Variants in ZZEF1 observed in about 807,000 individuals in gnomAD.
The protein encoded by ZZEF1 is zinc finger ZZ-type and EF-hand domain-containing protein 1.
In ZZEF1, 157 loss-of-function variants were observed where a neutral mutation model predicts 342.8. The observed-to-expected ratio is 0.46, with a 90% confidence interval of 0.40 to 0.52. ZZEF1 has a LOEUF of 0.52. ZZEF1 is among the 20% of genes least tolerant of loss of function. The pLI, the probability that ZZEF1 is intolerant of heterozygous loss-of-function variation, is 0.00. For synonymous variants in ZZEF1, 1,505 were observed against 1,429.1 expected (o/e 1.05, Z -1.20); for missense variants, 3,480 against 3,725.6 (o/e 0.93, Z 1.72).
chr17:4,031,317 A>AAAATAAATAAATAAATAAATAAAT (rs372245182), intron 42 of ZZEF1, among the ~76,000 whole-genome samples: 78 of 143,468 alleles, frequency 5.4e-4, no homozygotes, highest in Non-Finnish European at 7.2e-4. Context: ...CTTGGTCTCA[A>AAAATAAATAAATAAATAAATAAAT]AAATAAATAA....
At chr17:4,078,176 T>G in intron 18 of ZZEF1, 134 bp from the exon 19 acceptor site, 1 of 895,486 alleles carries the variant, frequency 1.1e-6, no homozygotes, top group Non-Finnish European at 1.6e-6. Flanking sequence ...GAAACAGCTT[T>G]CAACCCAGCA....
intron 9 of ZZEF1, among the ~76,000 whole-genome samples, chr17:4,097,446 T>C (rs1371841119): frequency 2.8e-5 from 4 of 140,522 alleles, no homozygotes; most frequent in Admixed American, 7.4e-5. Flanking sequence ...CAACACTTTG[T>C]CAGGAAAGGT....
At chr17:4,007,062 T>C (rs1330809909) in intron 54 of ZZEF1, 92 bp from the exon 55 acceptor site, 1 of 1,203,064 alleles carries the variant, frequency 8.3e-7, no homozygotes, top group African/African-American at 1.5e-5. Context: ...ACTGAGGATG[T>C]GGGGACGGAG....
At chr17:4,124,447 CT>C (rs1244398294) in intron 1 of ZZEF1, among the ~76,000 whole-genome samples, 5 of 152,096 alleles carry the variant, frequency 3.3e-5, no homozygotes, top group African/African-American at 1.2e-4. Flanking sequence ...TGGGCTTTTT[CT>C]TTTCCCTTTT....
rs1358172440 is a variant in ZZEF1, at chr17:4,016,766, TG to T, written c.8002-301del. The T allele has an allele frequency of 3.2e-6, 1 of 314,608 alleles. No individual in the cohort carries two copies. The highest frequency in any genetic ancestry group is 2.1e-5 in the African/African-American group (1 of 47,052). The allele number at this position is 314,608 out of a possible 1,614,324, so 19.5% of individuals were successfully genotyped here. ...TTGAAGGAGTCCCCAGCCAAGCAGG[TG>T]GATTGGCCTATGGATAAATAATGAC... is the stretch of plus-strand genomic sequence containing the variant. On this transcript the variant is annotated intron_variant, in intron 48 of 54. Coordinates refer to ENST00000381638, the MANE Select transcript of ZZEF1 (RefSeq NM_015113.4). This position sits in a 1 kb window ranked among gnomAD's most constrained non-coding sequence, Gnocchi z 4.4.
intron 11 of ZZEF1, among the ~76,000 whole-genome samples, chr17:4,092,271 G>C (rs2057959430): frequency 6.7e-6 from 1 of 149,720 alleles, no homozygotes; most frequent in South Asian, 2.1e-4. Context: ...ATCCCGAGTA[G>C]GTTCTGTAAC....
Position 4,104,665 on chromosome 17 carries a change from G to A in ZZEF1, c.1541C>T (p.Ala514Val), listed in dbSNP as rs750438220. 1.8e-5 allele frequency: 29 copies of A among 1,614,062 alleles called. No individual in the cohort carries two copies. The East Asian group carries it at 3.3e-4, about 19-fold the overall frequency. The change falls in exon 8 of 55, where the codon GCG becomes GTG. Residue 514 changes from alanine to valine, a missense_variant. By Grantham distance (64) the Ala-to-Val change is moderately conservative. Around this residue, in one of 5 missense-constraint regions of ZZEF1, gnomAD observed 1,528 missense variants for 1,624.1 expected, o/e 0.94. Coordinates refer to ENST00000381638, the MANE Select transcript of ZZEF1 (RefSeq NM_015113.4). ...GAGGAGCAGGTTCTGTCTGACTGAC[G>A]CCATGGACAAGATGAGGGATGAGGC... ...YDASSLILSM[A>V]SVRQNLLLKY...
intron 42 of ZZEF1, among the ~76,000 whole-genome samples, chr17:4,031,317 A>AAAAT (rs372245182): frequency 0.012 from 1,745 of 143,468 alleles, 34 homozygotes; most frequent in African/African-American, 0.025. Flanking sequence ...CTTGGTCTCA[A>AAAAT]AAATAAATAA....
intron 12 of ZZEF1, among the ~76,000 whole-genome samples, chr17:4,089,385 T>G (rs2057901717): frequency 6.6e-6 from 1 of 152,328 alleles, no homozygotes; most frequent in South Asian, 2.1e-4. Context: ...TGAGCGCTCT[T>G]TGTTAAGGGC....
Position 4,062,901 on chromosome 17 carries a change from A to G in ZZEF1, c.4735T>C (p.Ser1579Pro), listed in dbSNP as rs753352375. 7 of 1,611,602 alleles carry G rather than the reference A, an allele frequency of 4.3e-6. No individual in the cohort carries two copies. The Admixed American group carries it at 8.3e-5, about 19-fold the overall frequency. Reference protein sequence around the residue: ...LSHRSVVKVLSLRKAQAQSIL... With the variant: ...LSHRSVVKVLPLRKAQAQSIL... ...CTCTGGGCCTGGGCTTTCCTCAGGG[A>G]AAGAACCTTCACAACACTGGAGACA... The change falls in exon 30 of 55, where the codon TCC (serine) becomes CCC (proline). Residue 1579 changes from serine to proline, a missense_variant. By Grantham distance (74) the Ser-to-Pro change is moderately conservative (BLOSUM62 -1). This residue lies in a region of ZZEF1 where 1,528 missense variants were observed against 1,624.1 expected (regional missense o/e 0.94). Coordinates refer to ENST00000381638, the MANE Select transcript of ZZEF1 (RefSeq NM_015113.4).
chr17:4,136,238 G>A (rs1000372608), intron 1 of ZZEF1, among the ~76,000 whole-genome samples: 16 of 150,374 alleles, frequency 1.1e-4, no homozygotes, highest in Admixed American at 2.0e-4. Flanking sequence ...CAGCTAATCG[G>A]GAGGCTGAGG....
rs1299998276 is a variant in ZZEF1, at chr17:4,006,557, G to C, written c.*333C>G. On this transcript the variant is annotated 3_prime_UTR_variant, in exon 55 of 55. Transcript: ENST00000381638. ...CTCCACGGAGACAGAAACCAGTTGAGAGAGGCCGCTTCCAAGTCTTCCCAG... is the reference window on the plus strand; with the variant it reads ...CTCCACGGAGACAGAAACCAGTTGACAGAGGCCGCTTCCAAGTCTTCCCAG... The C allele has an allele frequency of 2.8e-6, 1 of 355,836 alleles. No homozygotes were observed. The highest frequency in any genetic ancestry group is 5.3e-6 in the Non-Finnish European group (1 of 188,932). The allele number at this position is 355,836 out of a possible 1,614,324, so 22.0% of individuals were successfully genotyped here. A position where few individuals can be genotyped will look rare whatever the true frequency, so the allele number is the denominator to read the frequency against.
intron 2 of ZZEF1, among the ~76,000 whole-genome samples, chr17:4,122,653 G>A (rs1445831387): frequency 2.6e-5 from 4 of 152,310 alleles, no homozygotes; most frequent in East Asian, 1.9e-4. Context: ...CCCAAGTGCT[G>A]GGATTACAGG....
chr17:4,073,461 T>C (rs1237436168), intron 24 of ZZEF1, among the ~76,000 whole-genome samples: 1 of 152,220 alleles, frequency 6.6e-6, no homozygotes, highest in Non-Finnish European at 1.5e-5. Flanking sequence ...GACAAGAGTC[T>C]CTCTCTGTTA....
chr17:4,043,974 C>T (rs563866712), intron 38 of ZZEF1, among the ~76,000 whole-genome samples: 2 of 152,318 alleles, frequency 1.3e-5, no homozygotes, highest in African/African-American at 4.8e-5. Flanking sequence ...TGTTTCATCC[C>T]CAAGGTCTAG....
In ZZEF1 at chr17:4,143,018, C is replaced by A. The variant is rs535119753; in HGVS notation, c.-123G>T. The A allele has an allele frequency of 5.5e-6, 7 of 1,271,590 alleles. No homozygotes were observed. In the South Asian group the frequency reaches 9.2e-5, roughly 17 times the overall value. 78.8% of individuals were successfully genotyped at this position (1,271,590 alleles called of 1,614,324 possible). A position where few individuals can be genotyped will look rare whatever the true frequency, so the allele number is the denominator to read the frequency against. The stretch of plus-strand genomic sequence containing the variant: ...GAGGAGACGACGGCGGCCCCTGCGG[C>A]TTCCGGCTTCCTGGCCGTCAAGCGA... On this transcript the variant is annotated 5_prime_UTR_variant, in exon 1 of 55. Coordinates refer to ENST00000381638, the MANE Select transcript of ZZEF1 (RefSeq NM_015113.4).
intron 32 of ZZEF1, among the ~76,000 whole-genome samples, chr17:4,057,775 C>T (rs747227964): frequency 7.2e-5 from 11 of 152,128 alleles, no homozygotes; most frequent in South Asian, 2.1e-4. Context: ...CAACAAGCCT[C>T]GGAGGCAGCA....
intron 1 of ZZEF1, among the ~76,000 whole-genome samples, chr17:4,128,794 C>T (rs1483125616): frequency 2.0e-5 from 2 of 101,876 alleles, no homozygotes; most frequent in Middle Eastern, 8.9e-3. Flanking sequence ...TTTTTTGAGA[C>T]GGAGTCTTGC....
chr17:4,046,209 C>A (rs1308637486), intron 37 of ZZEF1, among the ~76,000 whole-genome samples: 2 of 152,150 alleles, frequency 1.3e-5, no homozygotes, highest in African/African-American at 2.4e-5. Flanking sequence ...GTTAAAGGGG[C>A]CCTTTCTGGA....
Sources: allele counts gnomAD v4.1 joint callset (sites outside exome capture counted in the v4.1 genomes callset), GRCh38; gene constraint gnomAD v4.1.1; regional missense constraint gnomAD v4.1.1; non-coding constraint Gnocchi (gnomAD v3.1); transcripts MANE v1.5; gene names NCBI Gene and HGNC (gene_info 2026-07-23, HGNC 2026-07-21).